The following DDC variants were observed in gnomAD, a reference collection of about 807,000 sequenced individuals.
The protein encoded by DDC is aromatic-L-amino-acid decarboxylase.
In DDC, 43 loss-of-function variants were observed where a neutral mutation model predicts 60.0. The observed-to-expected ratio is 0.72, with a 90% confidence interval of 0.56 to 0.92. DDC has a LOEUF of 0.92. Ranked by LOEUF, DDC falls within the 40% of genes least tolerant of loss-of-function variation. The probability of loss-of-function intolerance (pLI) is 0.00; values close to 1 mark genes in which losing one functional copy is unlikely to be tolerated. For synonymous variants in DDC, 232 were observed against 234.6 expected, an observed-to-expected ratio of 0.99 and a Z score of 0.10; for missense variants, 573 against 620.2, an observed-to-expected ratio of 0.92 and a Z score of 0.81.
chr7:50,491,010 T>A (rs1234365563), intron 9 of DDC, among the ~76,000 whole-genome samples: 1 of 152,252 alleles, frequency 6.6e-6, no homozygotes, highest in African/African-American at 2.4e-5. Context: ...TCTGTTTTTA[T>A]TATTTTCTAC....
intron 6 of DDC, among the ~76,000 whole-genome samples, chr7:50,513,306 G>C (rs2043635758): frequency 6.6e-6 from 1 of 152,196 alleles, no homozygotes; most frequent in African/African-American, 2.4e-5. Context: ...AGGGGTAGAG[G>C]AAGCAGCAGA....
At chr7:50,488,646 A>T (rs532112722) in intron 9 of DDC, among the ~76,000 whole-genome samples, 1 of 152,288 alleles carries the variant, frequency 6.6e-6, no homozygotes, top group South Asian at 2.1e-4. Context: ...TATGTGATCA[A>T]GTTGGCCATA....
chr7:50,537,874 C>T lies in DDC; in HGVS notation c.421G>A (p.Gly141Arg). 9 of 1,614,196 alleles carry T rather than the reference C, an allele frequency of 5.6e-6. No individual in the cohort carries two copies. Among genetic ancestry groups the T allele is most frequent in the Non-Finnish European group, 7.6e-6 (9 of 1,180,038 alleles). Residue 141 changes from glycine to arginine, a missense_variant, in exon 4 of 15, where the codon GGA becomes AGA. By Grantham distance (125) the Gly-to-Arg change is moderately radical. Transcript: ENST00000444124. ...TCCCACCTTACCTGGATCACTCCTC[C>T]CCCTTCTCCAGCTTTCTCATTCAAA... ...AFLNEKAGEGGGVIQGSASEA... is the reference protein window; with the variant it reads ...AFLNEKAGEGRGVIQGSASEA...
At chr7:50,507,792 G>A (rs1464065245) in intron 6 of DDC, among the ~76,000 whole-genome samples, 1 of 152,166 alleles carries the variant, frequency 6.6e-6, no homozygotes, top group African/African-American at 2.4e-5. Flanking sequence ...TGAGAATAGG[G>A]GTGATGTTCT....
chr7:50,493,131 G>A (rs1337074799), intron 9 of DDC: 11 of 786,656 alleles, frequency 1.4e-5, no homozygotes, highest in Admixed American at 1.2e-4. Flanking sequence ...TAAAGAGAGC[G>A]TGGCAATGTC....
intron 4 of DDC, among the ~76,000 whole-genome samples, chr7:50,534,682 A>G (rs2044335174): frequency 6.6e-6 from 1 of 152,192 alleles, no homozygotes. Flanking sequence ...GTATAAAACT[A>G]AAAGAAAAAG....
rs1481531589 is a variant in DDC at position 50,528,226 on chromosome 7, TG to T, written c.624del (p.Ile209SerfsTer26). ...ATGGCGAAGTTGCCATCTGAGGGGA[TG>T]GCTTTTAATTTCACTCCACCAATTA... Reference protein sequence around the residue: ...AGLIGGVKLKAIPSDGNFAMR... With the variant: ...AGLIGGVKLKXIPSDGNFAMR... On this transcript the variant is annotated frameshift_variant, in exon 6 of 15. Coordinates refer to ENST00000444124, the MANE Select transcript of DDC (RefSeq NM_001082971.2). LOFTEE classifies it high-confidence loss of function. 3.1e-6 allele frequency: 5 copies of T among 1,614,170 alleles called. No individual in the cohort carries two copies. Among genetic ancestry groups the T allele is most frequent in the Non-Finnish European group, 3.4e-6 (4 of 1,180,042 alleles).
At chr7:50,465,979 T>C (rs2042386895) in intron 13 of DDC, among the ~76,000 whole-genome samples, 1 of 152,200 alleles carries the variant, frequency 6.6e-6, no homozygotes, top group East Asian at 1.9e-4. Flanking sequence ...TCTCCTGCTC[T>C]GCTACCTGCA....
At position 50,527,221 on chromosome 7, in the gene DDC, A is replaced by G. The variant is rs112654002; in HGVS notation, c.714+916T>C. On this transcript the variant is annotated intron_variant, in intron 6 of 14. Coordinates refer to ENST00000444124, the MANE Select transcript of DDC (RefSeq NM_001082971.2). ...TAAGATTTACTTTACGACATACGCT[A>G]TAAGTGGTTCTTGCCAGCATTTGTC... Among the ~76,000 whole-genome samples, 295 of 150,934 alleles carry G rather than the reference A, an allele frequency of 2.0e-3. 2 individuals carry two copies. The highest frequency in any genetic ancestry group is 7.0e-3 in the African/African-American group (280 of 40,240).
rs2044466653 is a variant in DDC, at chr7:50,537,734, TG to T, written c.435+125del. The T allele has an allele frequency of 7.9e-6, 10 of 1,271,472 alleles. No individual in the cohort carries two copies. The South Asian group carries it at 1.2e-4, about 15-fold the overall frequency. 78.8% of individuals were successfully genotyped at this position (1,271,472 alleles called of 1,614,324 possible). A position where few individuals can be genotyped will look rare whatever the true frequency, so the allele number is the denominator to read the frequency against. On this transcript the variant is annotated intron_variant, in intron 4 of 14. Transcript: ENST00000444124. Reference sequence around the variant, plus strand: ...CAGCATTTTCCCAAGAGCTCGGTTTTGTTTATTCTCCAGGAGAAATTTGAGG... The same window carrying T: ...CAGCATTTTCCCAAGAGCTCGGTTTTTTTATTCTCCAGGAGAAATTTGAGG...
intron 14 of DDC, among the ~76,000 whole-genome samples, chr7:50,462,226 CAAA>C (rs11410259): frequency 1.1e-4 from 8 of 75,368 alleles, no homozygotes; most frequent in African/African-American, 3.8e-4. Context: ...GACAAAAAGA[CAAA>C]AAAAAAAAAA....
intron 14 of DDC, among the ~76,000 whole-genome samples, chr7:50,460,226 A>T (rs1585124228): frequency 8.3e-6 from 1 of 120,968 alleles, no homozygotes; most frequent in Admixed American, 8.3e-5. Context: ...CCCGTCCGGG[A>T]GGGAGGTGGG....
intron 11 of DDC, 31 bp from the exon 12 acceptor site, chr7:50,470,202 G>A: frequency 6.8e-7 from 1 of 1,478,800 alleles, no homozygotes; most frequent in South Asian, 1.1e-5. Context: ...GACCATCAGT[G>A]AGGAAGATAT....
At chr7:50,518,257 C>T (rs988874231) in intron 6 of DDC, among the ~76,000 whole-genome samples, 2 of 147,634 alleles carry the variant, frequency 1.4e-5, no homozygotes, top group Non-Finnish European at 3.0e-5. Flanking sequence ...CAAATGGAAA[C>T]ACATTCCATG....
chr7:50,511,533 C>T (rs1263084261), intron 6 of DDC, among the ~76,000 whole-genome samples: 2 of 152,068 alleles, frequency 1.3e-5, no homozygotes, highest in Non-Finnish European at 2.9e-5. Flanking sequence ...TTGAGGCCAT[C>T]CCGGCTAACA....
intron 10 of DDC, among the ~76,000 whole-genome samples, chr7:50,478,536 C>T (rs190485266): frequency 5.9e-5 from 9 of 152,252 alleles, no homozygotes; most frequent in South Asian, 2.1e-4. Context: ...AATTCAGATA[C>T]GGTGTCTAAT....
At chr7:50,538,150 C>T (rs6947293) in intron 3 of DDC, among the ~76,000 whole-genome samples, 171 bp from the exon 4 acceptor site, 250 of 152,222 alleles carry the variant, frequency 1.6e-3, no homozygotes, top group African/African-American at 5.3e-3. Flanking sequence ...GCAAGGAGAG[C>T]GGTTGGGAAG....
chr7:50,520,475 A>G (rs528014934), intron 6 of DDC, among the ~76,000 whole-genome samples: 2 of 152,362 alleles, frequency 1.3e-5, no homozygotes, highest in East Asian at 1.9e-4. Flanking sequence ...GAAAATGACA[A>G]TAAAACTCAT....
chr7:50,543,571 T>C (rs1289288660), intron 2 of DDC: 1 of 411,800 alleles, frequency 2.4e-6, no homozygotes, highest in Admixed American at 3.6e-5. Context: ...CTAATGTATA[T>C]GAGGACACGC....
Sources: gnomAD v4.1 joint callset for allele counts (sites outside exome capture counted in the v4.1 genomes callset) on GRCh38, gnomAD v4.1.1 for gene constraint, MANE v1.5 for transcripts, NCBI Gene and HGNC (gene_info 2026-07-23, HGNC 2026-07-21) for gene names.